Variants in FGGY observed in about 807,000 individuals in gnomAD.
The protein encoded by FGGY is FGGY carbohydrate kinase domain containing, also known as FGGY carbohydrate kinase domain-containing protein.
Under a neutral mutation model 71.3 loss-of-function variants are expected in FGGY, and 72 were observed. The observed-to-expected ratio is 1.01, with a 90% CI of 0.84 to 1.23. The LOEUF (loss-of-function observed/expected upper bound fraction) is 1.23. FGGY is among the 50% of genes most tolerant of loss of function. The pLI is 0.00. For missense variants in FGGY, 668 were observed against 682.3 expected, an observed-to-expected ratio of 0.98 and a Z score of 0.23; for synonymous variants, 251 against 250.3, an observed-to-expected ratio of 1.00 and a Z score of -0.02.
At position 59,455,126 on chromosome 1, in the gene FGGY, G is replaced by A. The variant is rs570466257; in HGVS notation, c.555-1835G>A. Among the ~76,000 whole-genome samples the A allele has an allele frequency of 9.2e-5, 14 of 152,334 alleles. No homozygotes were observed. The East Asian group carries it at 2.7e-3, about 29-fold the overall frequency. ...TGAGGTATTTGTGATACAGAGAAGAGTAAGGCTGATTCTGGGCTGACGGAG... is the reference window on the plus strand; with the variant it reads ...TGAGGTATTTGTGATACAGAGAAGAATAAGGCTGATTCTGGGCTGACGGAG... On this transcript the variant is annotated intron_variant, in intron 5 of 15. Transcript: ENST00000303721.
intron 6 of FGGY, among the ~76,000 whole-genome samples, chr1:59,493,325 A>T (rs2093936391): frequency 6.6e-6 from 1 of 152,198 alleles, no homozygotes; most frequent in Admixed American, 6.6e-5. Context: ...GGACTCAAAT[A>T]CATGTTTGTT....
intron 8 of FGGY, among the ~76,000 whole-genome samples, chr1:59,575,145 T>A (rs1571489758): frequency 6.6e-6 from 1 of 152,158 alleles, no homozygotes; most frequent in South Asian, 2.1e-4. Flanking sequence ...TCTTAGTAAT[T>A]TTCAAATATA....
intron 6 of FGGY, among the ~76,000 whole-genome samples, chr1:59,472,715 G>A (rs1558046023): frequency 6.6e-6 from 1 of 152,150 alleles, no homozygotes; most frequent in African/African-American, 2.4e-5. Context: ...TAGCTACTCT[G>A]GTGGGGACTT....
chr1:59,520,546 A>G (rs2153645918), intron 7 of FGGY, among the ~76,000 whole-genome samples: 1 of 152,254 alleles, frequency 6.6e-6, no homozygotes, highest in African/African-American at 2.4e-5. Context: ...CTTTACAACT[A>G]TTTCAGTTTT....
At chr1:59,655,429 C>T (rs867018325) in intron 11 of FGGY, among the ~76,000 whole-genome samples, 2 of 151,900 alleles carry the variant, frequency 1.3e-5, no homozygotes, top group Non-Finnish European at 2.9e-5. Context: ...CCCTCCCCTC[C>T]ACCCCACCCC....
intron 3 of FGGY, among the ~76,000 whole-genome samples, chr1:59,341,341 G>A (rs113293091): frequency 1.3e-5 from 2 of 152,322 alleles, no homozygotes; most frequent in African/African-American, 4.8e-5. Context: ...TGGACCTAAT[G>A]TATGAAATAG....
intron 11 of FGGY, among the ~76,000 whole-genome samples, chr1:59,642,136 G>A (rs2097035890): frequency 6.6e-6 from 1 of 152,142 alleles, no homozygotes; most frequent in Admixed American, 6.5e-5. Flanking sequence ...GGCAGATGTA[G>A]GAAAGGCCTT....
At chr1:59,323,304 T>A (rs1397006640) in intron 2 of FGGY, among the ~76,000 whole-genome samples, 1 of 152,190 alleles carries the variant, frequency 6.6e-6, no homozygotes, top group Non-Finnish European at 1.5e-5. Context: ...TTTTTAATCA[T>A]CTCCCAGTGG....
At chr1:59,334,030 A>C (rs548607498) in intron 2 of FGGY, among the ~76,000 whole-genome samples, 45 of 152,334 alleles carry the variant, frequency 3.0e-4, no homozygotes, top group African/African-American at 1.0e-3. Context: ...GAAAATAGAC[A>C]CTGAGTTTGA....
intron 11 of FGGY, among the ~76,000 whole-genome samples, chr1:59,659,031 G>A (rs796865213): frequency 6.6e-6 from 1 of 152,010 alleles, no homozygotes; most frequent in Non-Finnish European, 1.5e-5. Context: ...AGACCAGCCT[G>A]GCTACTAAAA....
intron 11 of FGGY, among the ~76,000 whole-genome samples, chr1:59,648,934 T>G (rs1327548077): frequency 6.6e-6 from 1 of 151,754 alleles, no homozygotes; most frequent in East Asian, 1.9e-4. Context: ...GTATAAGGTG[T>G]AAGGAAGGGA....
Position 59,346,288 on chromosome 1 carries a change from G to GC in FGGY, c.356dup (p.Val120SerfsTer5). 1 of 1,612,710 alleles carries GC rather than the reference G, an allele frequency of 6.2e-7. No individual in the cohort carries two copies. Among genetic ancestry groups the GC allele is most frequent in the Non-Finnish European group, 8.5e-7 (1 of 1,179,730 alleles). ...CGTCATCATGTGGCTGGACCATCGA[G>GC]CAGTCAGTCAAGTTAACAGGATCAA... On this transcript the variant is annotated frameshift_variant, in exon 4 of 16. Transcript: ENST00000303721. LOFTEE classifies it high-confidence loss of function.
intron 5 of FGGY, among the ~76,000 whole-genome samples, chr1:59,392,030 T>G (rs536900042): frequency 1.3e-5 from 2 of 152,258 alleles, no homozygotes; most frequent in South Asian, 4.1e-4. Context: ...AGCCAGTGTG[T>G]GGAATAAGAG....
At chr1:59,367,876 T>C (rs2056846663) in intron 4 of FGGY, among the ~76,000 whole-genome samples, 1 of 152,116 alleles carries the variant, frequency 6.6e-6, no homozygotes, top group Admixed American at 6.5e-5. Context: ...TCCCAACAAA[T>C]GCTGTGGTTT....
chr1:59,490,859 C>T (rs941680552), intron 6 of FGGY, among the ~76,000 whole-genome samples: 1 of 151,860 alleles, frequency 6.6e-6, no homozygotes, highest in Non-Finnish European at 1.5e-5. Context: ...AGTCTGTGTT[C>T]TCTGTTCTTT....
chr1:59,627,454 T>TTATATATATA lies in FGGY; in HGVS notation c.1073+1432_1073+1441dup, dbSNP rs60500862. On this transcript the variant is annotated intron_variant, in intron 10 of 15. Coordinates refer to ENST00000303721, the MANE Select transcript of FGGY (RefSeq NM_018291.5). Reference sequence around the variant, plus strand: ...ATGGTGTCAATATCAACTTATGATTTTATATATATATATATATATATATAT... The same window carrying TTATATATATA: ...ATGGTGTCAATATCAACTTATGATTTTATATATATATATATATATATATATATATATATAT... 9.8e-3 allele frequency among the ~76,000 whole-genome samples: 949 copies of TTATATATATA among 97,146 alleles called. 3 individuals carry two copies. The highest frequency in any genetic ancestry group is 0.015 in the Admixed American group (119 of 7,860). 63.7% of individuals were successfully genotyped at this position (97,146 alleles called of 152,430 possible).
chr1:59,459,539 T>C (rs889841110), intron 6 of FGGY, among the ~76,000 whole-genome samples: 1 of 152,184 alleles, frequency 6.6e-6, no homozygotes, highest in Non-Finnish European at 1.5e-5. Context: ...AGATTTTGGG[T>C]AGGAGATTAT....
chr1:59,565,698 G>A (rs528993248), intron 8 of FGGY, among the ~76,000 whole-genome samples: 16 of 152,288 alleles, frequency 1.1e-4, no homozygotes, highest in Admixed American at 5.9e-4. Flanking sequence ...ATAAACACAC[G>A]TGTTTTGTGG....
chr1:59,456,890 G>A, intron 5 of FGGY, 71 bp from the exon 6 acceptor site: 2 of 1,037,652 alleles, frequency 1.9e-6, no homozygotes, highest in South Asian at 1.4e-5. Context: ...ACCTGGACGG[G>A]TATTTTGCAA....
Sources: allele counts gnomAD v4.1 joint callset (sites outside exome capture counted in the v4.1 genomes callset), GRCh38; gene constraint gnomAD v4.1.1; transcripts MANE v1.5; gene names NCBI Gene and HGNC (gene_info 2026-07-23, HGNC 2026-07-21).